ESR1: variants seen among roughly 807,000 people sequenced by gnomAD.
The protein encoded by ESR1 is estrogen receptor.
ESR1 carries 12 observed loss-of-function variants against 52.7 expected under a neutral mutation model. The ratio of observed to expected loss-of-function variants is 0.23; its 90% CI spans 0.15 to 0.37. ESR1 has a LOEUF of 0.37. Ranked by LOEUF, ESR1 falls within the 10% of genes least tolerant of loss-of-function variation. The probability of loss-of-function intolerance (pLI) is 1.00; values close to 1 mark genes in which losing one functional copy is unlikely to be tolerated. For synonymous variants in ESR1, 305 were observed against 316.8 expected, an observed-to-expected ratio of 0.96 and a Z score of 0.39; for missense variants, 584 against 779.7, an observed-to-expected ratio of 0.75 and a Z score of 2.99.
intron 4 of ESR1, among the ~76,000 whole-genome samples, chr6:151,955,883 C>T (rs1277812534): frequency 6.6e-6 from 1 of 152,102 alleles, no homozygotes; most frequent in Non-Finnish European, 1.5e-5. Context: ...CTCTCACCCT[C>T]CCTCACGTAG....
chr6:151,681,474 C>A (rs951047761), intron 1 of ESR1, among the ~76,000 whole-genome samples: 1 of 151,894 alleles, frequency 6.6e-6, no homozygotes, highest in Non-Finnish European at 1.5e-5. Context: ...AATTCTCTAG[C>A]TTCTCAGGCG....
Position 152,016,879 on chromosome 6 carries a change from G to A in ESR1, c.1235+5085G>A, listed in dbSNP as rs139628374. Among the ~76,000 whole-genome samples, 43 of 152,180 alleles carry A rather than the reference G, an allele frequency of 2.8e-4. No homozygotes were observed. In the East Asian group the frequency reaches 5.0e-3, roughly 18 times the overall value. On this transcript the variant is annotated intron_variant, in intron 5 of 7. Transcript: ENST00000206249. ...GTCTCCATAGGCTGTTTTCATTTGC[G>A]TAGAAATAGGGGGGAAAGATAGCTT...
At chr6:151,703,645 G>A (rs1279263914) in intron 2 of ESR1, among the ~76,000 whole-genome samples, 1 of 152,006 alleles carries the variant, frequency 6.6e-6, no homozygotes, top group East Asian at 1.9e-4. Context: ...AATGAAGGAG[G>A]GGGAAAAAAG....
At chr6:151,937,246 A>G (rs1203449199) in intron 3 of ESR1, among the ~76,000 whole-genome samples, 3 of 152,196 alleles carry the variant, frequency 2.0e-5, no homozygotes, top group East Asian at 3.8e-4. Flanking sequence ...TATAAAAAAT[A>G]CATATAAAAG....
At chr6:152,114,826 G>C (rs1338958726) in intron 6 of ESR1, among the ~76,000 whole-genome samples, 5 of 142,792 alleles carry the variant, frequency 3.5e-5, no homozygotes, top group African/African-American at 1.3e-4. Flanking sequence ...GGGAGGCGGA[G>C]CTTGCAGTGA....
chr6:152,044,423 C>CA, intron 5 of ESR1, among the ~76,000 whole-genome samples: 1 of 152,306 alleles, frequency 6.6e-6, no homozygotes, highest in South Asian at 2.1e-4. Context: ...GGACAGGACT[C>CA]ACAGGTGAGA....
At chr6:151,816,743 T>TA (rs990422135) in intron 1 of ESR1, among the ~76,000 whole-genome samples, 12 of 151,954 alleles carry the variant, frequency 7.9e-5, no homozygotes, top group South Asian at 2.1e-4. Flanking sequence ...AAAACAACTG[T>TA]AAAAAAAACT....
At chr6:151,680,234 C>T (rs1282115183) in intron 1 of ESR1, among the ~76,000 whole-genome samples, 12 of 140,582 alleles carry the variant, frequency 8.5e-5, no homozygotes, top group Admixed American at 1.5e-4. Flanking sequence ...GTTGGAGTCT[C>T]GCTCTGTCAC....
chr6:152,059,896 A>T (rs2047412334), intron 5 of ESR1, among the ~76,000 whole-genome samples: 1 of 152,216 alleles, frequency 6.6e-6, no homozygotes, highest in Non-Finnish European at 1.5e-5. Context: ...AAAAAAGTTG[A>T]TGGAGAACTC....
chr6:151,809,059 T>G, intron 1 of ESR1: 1 of 277,486 alleles, frequency 3.6e-6, no homozygotes, highest in Non-Finnish European at 7.9e-6. Context: ...CAGCCGGAAA[T>G]TTGTAGGTGT....
intron 2 of ESR1, among the ~76,000 whole-genome samples, chr6:151,742,655 G>T (rs934045206): frequency 2.6e-5 from 4 of 152,146 alleles, no homozygotes; most frequent in African/African-American, 7.2e-5. Flanking sequence ...AACAGTTACT[G>T]CCATATAAAA....
intron 2 of ESR1, among the ~76,000 whole-genome samples, chr6:151,861,551 AG>A (rs1583757611): frequency 6.6e-6 from 1 of 152,156 alleles, no homozygotes; most frequent in East Asian, 1.9e-4. Flanking sequence ...TTCAAACTGT[AG>A]ATGAGCATTG....
chr6:151,868,778 G>A (rs919147557), intron 2 of ESR1, among the ~76,000 whole-genome samples: 2 of 152,124 alleles, frequency 1.3e-5, no homozygotes, highest in African/African-American at 2.4e-5. Context: ...ATGGGTGCAT[G>A]TGTCTTTTCA....
rs565101438 is a variant in ESR1 at position 151,852,153 on chromosome 6, G to A, written c.643+9366G>A. Reference sequence around the variant, plus strand: ...AGGAAGGCCAGTCATCAGGGGGTAGGATAAGTTCAATTCTAGACATGCTGC... The same window carrying A: ...AGGAAGGCCAGTCATCAGGGGGTAGAATAAGTTCAATTCTAGACATGCTGC... On this transcript the variant is annotated intron_variant, in intron 2 of 7. Transcript: ENST00000206249. Among the ~76,000 whole-genome samples, 11 of 152,282 alleles carry A rather than the reference G, an allele frequency of 7.2e-5. No homozygotes were observed. In the South Asian group the frequency reaches 2.1e-3, roughly 29 times the overall value.
chr6:151,680,487 A>C (rs1259397511), intron 1 of ESR1, among the ~76,000 whole-genome samples: 3 of 152,004 alleles, frequency 2.0e-5, no homozygotes, highest in Non-Finnish European at 4.4e-5. Flanking sequence ...GTCGTGAGCC[A>C]CCATGCCCGG....
At chr6:151,838,837 T>C (rs1562461388) in intron 1 of ESR1, among the ~76,000 whole-genome samples, 1 of 152,202 alleles carries the variant, frequency 6.6e-6, no homozygotes, top group Non-Finnish European at 1.5e-5. Context: ...AAGTCTGCAG[T>C]TGATTTTCAG....
chr6:151,827,633 T>C (rs1781733150), intron 1 of ESR1, among the ~76,000 whole-genome samples: 1 of 152,214 alleles, frequency 6.6e-6, no homozygotes, highest in South Asian at 2.1e-4. Flanking sequence ...CAAAGGATGA[T>C]GACTATTTTT....
chr6:151,909,578 C>T (rs1797954451), intron 3 of ESR1, among the ~76,000 whole-genome samples: 1 of 152,186 alleles, frequency 6.6e-6, no homozygotes, highest in African/African-American at 2.4e-5. Flanking sequence ...AAGGATGGGA[C>T]ACCTTCCATC....
At chr6:151,811,515 T>C (rs1778834146) in intron 1 of ESR1, among the ~76,000 whole-genome samples, 1 of 152,184 alleles carries the variant, frequency 6.6e-6, no homozygotes, top group Non-Finnish European at 1.5e-5. Context: ...GTATAAATCT[T>C]TTGCATCAAA....
Sources: gnomAD v4.1 joint callset for allele counts (sites outside exome capture counted in the v4.1 genomes callset) on GRCh38, gnomAD v4.1.1 for gene constraint, MANE v1.5 for transcripts, NCBI Gene and HGNC (gene_info 2026-07-23, HGNC 2026-07-21) for gene names.